Variants in ANKS1B observed in about 807,000 individuals in gnomAD.
ANKS1B encodes ankyrin repeat and sterile alpha motif domain-containing protein 1B.
In ANKS1B, 36 loss-of-function variants were observed where a neutral mutation model predicts 148.3. That is an observed-to-expected ratio of 0.24 (90% confidence interval 0.19 to 0.32). The LOEUF is 0.32. Ranked by LOEUF, ANKS1B falls within the 10% of genes least tolerant of loss-of-function variation. The pLI is 1.00. For missense variants in ANKS1B, 1,157 were observed against 1,542.6 expected (o/e 0.75, Z 4.19); for synonymous variants, 542 against 560.8 (o/e 0.97, Z 0.47).
chr12:98,933,607 G>A (rs566435547), intron 17 of ANKS1B, among the ~76,000 whole-genome samples: 10 of 151,708 alleles, frequency 6.6e-5, no homozygotes, highest in African/African-American at 1.5e-4. Flanking sequence ...ACCATTTTAC[G>A]TTCCCACCAA....
At chr12:98,909,828 T>G (rs2152831167) in intron 17 of ANKS1B, among the ~76,000 whole-genome samples, 1 of 152,214 alleles carries the variant, frequency 6.6e-6, no homozygotes, top group East Asian at 1.9e-4. Context: ...GGTTCTTCAT[T>G]CAGCCAAGTC....
At chr12:98,966,634 G>A (rs2153179780) in intron 17 of ANKS1B, among the ~76,000 whole-genome samples, 1 of 152,256 alleles carries the variant, frequency 6.6e-6, no homozygotes. Flanking sequence ...CAATAGCAAA[G>A]ACTTGGAACC....
intron 16 of ANKS1B, 119 bp downstream of exon 16, chr12:99,084,806 C>A (rs1237663975): frequency 1.4e-6 from 1 of 708,126 alleles, no homozygotes; most frequent in Non-Finnish European, 2.4e-6. Flanking sequence ...AGAAGATCTG[C>A]TCTTGAGGTT....
intron 14 of ANKS1B, among the ~76,000 whole-genome samples, chr12:99,155,436 G>A (rs1001934910): frequency 6.6e-6 from 1 of 152,034 alleles, no homozygotes; most frequent in African/African-American, 2.4e-5. Context: ...CCAAACAAAA[G>A]TATTATTAGG....
At chr12:99,697,701 C>A (rs1413702758) in intron 8 of ANKS1B, among the ~76,000 whole-genome samples, 1 of 151,988 alleles carries the variant, frequency 6.6e-6, no homozygotes, top group Non-Finnish European at 1.5e-5. Flanking sequence ...CACAGAACTG[C>A]ACAACACAAA....
chr12:99,172,431 G>C (rs1015241468), intron 14 of ANKS1B, among the ~76,000 whole-genome samples: 6 of 152,166 alleles, frequency 3.9e-5, no homozygotes, highest in African/African-American at 1.4e-4. Flanking sequence ...TTCTCTTAAA[G>C]AGCAAATAGA....
intron 1 of ANKS1B, among the ~76,000 whole-genome samples, chr12:99,853,622 C>T (rs950726844): frequency 6.6e-6 from 1 of 152,016 alleles, no homozygotes; most frequent in Non-Finnish European, 1.5e-5. Context: ...TCTGACGTAG[C>T]TTACCCAGAA....
chr12:99,055,369 G>A lies in ANKS1B; in HGVS notation c.2626-2060C>T, dbSNP rs73386561. Among the ~76,000 whole-genome samples, 388 of 152,304 alleles carry A rather than the reference G, an allele frequency of 2.5e-3. 1 individual carries two copies. Among genetic ancestry groups the A allele is most frequent in the African/African-American group, 8.8e-3 (367 of 41,566 alleles). On this transcript the variant is annotated intron_variant, in intron 16 of 26. Transcript: ENST00000683438. ...TTGCCGTTGGCCCATCCATAAAGCT[G>A]ACCACTCCAGCAGCAGATACTCGGG...
intron 4 of ANKS1B, among the ~76,000 whole-genome samples, chr12:99,791,327 C>G (rs973416974): frequency 6.6e-6 from 1 of 151,936 alleles, no homozygotes; most frequent in Non-Finnish European, 1.5e-5. Context: ...ACAATAATAG[C>G]TGGAGACTTC....
chr12:99,436,369 C>G (rs2095460697), intron 11 of ANKS1B, among the ~76,000 whole-genome samples: 1 of 151,960 alleles, frequency 6.6e-6, no homozygotes, highest in Admixed American at 6.6e-5. Context: ...TTGTGAGAAA[C>G]AAATGAAACA....
At chr12:99,953,237 G>C (rs974658584) in intron 1 of ANKS1B, among the ~76,000 whole-genome samples, 5 of 152,086 alleles carry the variant, frequency 3.3e-5, no homozygotes, top group African/African-American at 1.2e-4. Context: ...AAAAATAGAA[G>C]AGTAAGTGGG....
intron 15 of ANKS1B, among the ~76,000 whole-genome samples, chr12:99,096,491 G>C (rs1430496954): frequency 6.6e-6 from 1 of 152,154 alleles, no homozygotes; most frequent in African/African-American, 2.4e-5. Flanking sequence ...GATGATCGCT[G>C]TGGGCAGACA....
intron 15 of ANKS1B, among the ~76,000 whole-genome samples, chr12:99,122,508 G>A (rs2063140613): frequency 6.6e-6 from 1 of 152,118 alleles, no homozygotes; most frequent in African/African-American, 2.4e-5. Context: ...TAGGTGTTTC[G>A]AGTAACTAAT....
chr12:99,857,468 G>A (rs1042709728), intron 1 of ANKS1B, among the ~76,000 whole-genome samples: 1 of 152,010 alleles, frequency 6.6e-6, no homozygotes, highest in South Asian at 2.1e-4. Flanking sequence ...ACGGCCAATA[G>A]CAATCTACAA....
At chr12:98,756,464 A>G (rs1437559526) in intron 25 of ANKS1B, among the ~76,000 whole-genome samples, 1 of 151,470 alleles carries the variant, frequency 6.6e-6, no homozygotes, top group East Asian at 2.0e-4. Flanking sequence ...ATTAGAACAG[A>G]CTAATATAGA....
chr12:99,690,148 C>G (rs2098671209), intron 8 of ANKS1B, among the ~76,000 whole-genome samples: 1 of 152,084 alleles, frequency 6.6e-6, no homozygotes, highest in Non-Finnish European at 1.5e-5. Context: ...CATGAGAACT[C>G]ACTCACTATC....
intron 12 of ANKS1B, among the ~76,000 whole-genome samples, chr12:99,251,489 T>A (rs2074588652): frequency 6.6e-6 from 1 of 152,214 alleles, no homozygotes; most frequent in Non-Finnish European, 1.5e-5. Flanking sequence ...ATAACTTGTC[T>A]CATTTAATTT....
intron 1 of ANKS1B, among the ~76,000 whole-genome samples, chr12:99,935,072 T>C (rs374667457): frequency 7.9e-5 from 12 of 152,038 alleles, no homozygotes; most frequent in African/African-American, 2.9e-4. Flanking sequence ...AAACCATATA[T>C]AAAATAACTT....
chr12:99,340,095 G>A (rs1231503233), intron 12 of ANKS1B, among the ~76,000 whole-genome samples: 1 of 151,712 alleles, frequency 6.6e-6, no homozygotes. Flanking sequence ...TTTTATTTTT[G>A]TATTTCCTCA....
Sources: gnomAD v4.1 joint callset for allele counts (sites outside exome capture counted in the v4.1 genomes callset) on GRCh38, gnomAD v4.1.1 for gene constraint, MANE v1.5 for transcripts, NCBI Gene and HGNC (gene_info 2026-07-23, HGNC 2026-07-21) for gene names.